PDZRN3: variants seen among roughly 807,000 people sequenced by gnomAD.
PDZRN3 encodes the protein E3 ubiquitin-protein ligase PDZRN3.
PDZRN3 carries 38 observed loss-of-function variants against 85.7 expected under a neutral mutation model. That is an observed-to-expected ratio of 0.44 (90% CI 0.34 to 0.58). The LOEUF (loss-of-function observed/expected upper bound fraction) is 0.58, where lower values mean the gene tolerates loss of function less well. Ranked by LOEUF, PDZRN3 falls within the 20% of genes least tolerant of loss-of-function variation. The probability of loss-of-function intolerance (pLI) is 0.01; values close to 1 mark genes in which losing one functional copy is unlikely to be tolerated. For synonymous variants in PDZRN3, 759 were observed against 638.0 expected (o/e 1.19, Z -2.86); for missense variants, 1,629 against 1,506.4 (o/e 1.08, Z -1.35).
chr3:73,437,147 AATTT>A (rs1702547083), intron 3 of PDZRN3, among the ~76,000 whole-genome samples: 1 of 152,158 alleles, frequency 6.6e-6, no homozygotes, highest in African/African-American at 2.4e-5. Context: ...AGAAATTTTA[AATTT>A]ATTCATTAAT....
rs1171966586 is a variant in PDZRN3, at chr3:73,383,861, A to G, written c.2705T>C (p.Leu902Pro). ...AVEYAQSQMS[L>P]VSMCKDLSSP... ...GCTCAGGTCCTTGCACATGCTCACC[A>G]GGCTCATCTGGCTTTGCGCGTACTC... is the stretch of plus-strand genomic sequence containing the variant. The change falls in exon 10 of 10, where the codon CTG becomes CCG. Residue 902 changes from leucine (L) to proline (P), a missense_variant. Transcript: ENST00000263666. 6 of 1,613,692 alleles carry G rather than the reference A, an allele frequency of 3.7e-6. No homozygotes were observed. Among genetic ancestry groups the G allele is most frequent in the South Asian group, 3.3e-5 (3 of 91,078 alleles).
intron 3 of PDZRN3, among the ~76,000 whole-genome samples, chr3:73,502,805 T>C (rs1175627159): frequency 2.0e-5 from 3 of 152,226 alleles, no homozygotes; most frequent in African/African-American, 7.2e-5. Context: ...TCCTAGAGCC[T>C]GGTATCATTG....
At position 73,573,811 on chromosome 3, in the gene PDZRN3, C is replaced by CTATACATATACA. The variant is rs60904712; in HGVS notation, c.918+28531_918+28542dup. 2.4e-3 allele frequency among the ~76,000 whole-genome samples: 356 copies of CTATACATATACA among 149,240 alleles called. 3 individuals carry two copies. Among genetic ancestry groups the CTATACATATACA allele is most frequent in the East Asian group, 0.013 (65 of 5,074 alleles). ...CATATACATATACATACACATACAC[C>CTATACATATACA]TATACATATACATATACATATACAT... On this transcript the variant is annotated intron_variant, in intron 3 of 9. Coordinates refer to ENST00000263666, the MANE Select transcript of PDZRN3 (RefSeq NM_015009.3).
intron 1 of PDZRN3, among the ~76,000 whole-genome samples, chr3:73,614,351 A>T (rs1702730252): frequency 6.6e-6 from 1 of 152,196 alleles, no homozygotes; most frequent in African/African-American, 2.4e-5. Context: ...CAAACCATCC[A>T]GCCTCAAAAG....
At chr3:73,587,909 G>A (rs1364934015) in intron 3 of PDZRN3, among the ~76,000 whole-genome samples, 1 of 152,140 alleles carries the variant, frequency 6.6e-6, no homozygotes, top group Non-Finnish European at 1.5e-5. Flanking sequence ...AGAGCACAGA[G>A]TCAATTTGAG....
At chr3:73,510,095 T>C (rs1704136695) in intron 3 of PDZRN3, among the ~76,000 whole-genome samples, 1 of 152,194 alleles carries the variant, frequency 6.6e-6, no homozygotes. Flanking sequence ...GCAAGTATTT[T>C]GATAATCAGG....
At chr3:73,399,552 G>A (rs1229109700) in intron 5 of PDZRN3, among the ~76,000 whole-genome samples, 1 of 152,122 alleles carries the variant, frequency 6.6e-6, no homozygotes, top group African/African-American at 2.4e-5. Flanking sequence ...ACAAATTAAG[G>A]AACAAGTGTC....
At chr3:73,496,373 G>A (rs565556416) in intron 3 of PDZRN3, among the ~76,000 whole-genome samples, 109 of 794 alleles carry the variant, frequency 0.14, 1 homozygote, top group African/African-American at 0.28. Flanking sequence ...AAATATATAC[G>A]AACATAGAGA....
intron 1 of PDZRN3, among the ~76,000 whole-genome samples, chr3:73,612,873 A>G (rs1230108141): frequency 6.6e-6 from 1 of 152,216 alleles, no homozygotes; most frequent in Non-Finnish European, 1.5e-5. Flanking sequence ...ACAGATACCC[A>G]AAGACTGCCT....
chr3:73,571,275 T>C (rs1702042724), intron 3 of PDZRN3, among the ~76,000 whole-genome samples: 1 of 152,190 alleles, frequency 6.6e-6, no homozygotes, highest in Non-Finnish European at 1.5e-5. Context: ...CCATATCCAG[T>C]GGTGAGAACA....
intron 5 of PDZRN3, among the ~76,000 whole-genome samples, chr3:73,393,401 G>A (rs1420878651): frequency 6.6e-6 from 1 of 152,140 alleles, no homozygotes; most frequent in East Asian, 1.9e-4. Flanking sequence ...GACGAGGTGA[G>A]CACAGAAATT....
chr3:73,598,346 C>T (rs1020568418), intron 3 of PDZRN3, among the ~76,000 whole-genome samples: 3 of 152,174 alleles, frequency 2.0e-5, no homozygotes, highest in Non-Finnish European at 2.9e-5. Flanking sequence ...TTTACAGTTT[C>T]GAATGAATAT....
intron 3 of PDZRN3, among the ~76,000 whole-genome samples, chr3:73,454,005 A>G (rs1383637294): frequency 1.3e-5 from 2 of 152,204 alleles, no homozygotes; most frequent in African/African-American, 2.4e-5. Flanking sequence ...TATAAATTCC[A>G]AATATTTTCA....
intron 3 of PDZRN3, among the ~76,000 whole-genome samples, chr3:73,550,765 AG>A (rs1305683970): frequency 6.6e-6 from 1 of 152,248 alleles, no homozygotes; most frequent in Non-Finnish European, 1.5e-5. Context: ...GCCAATGATC[AG>A]GGTAAGGAAA....
At position 73,384,858 on chromosome 3, in the gene PDZRN3, C is replaced by T. The variant is rs758780823; in HGVS notation, c.1708G>A (p.Gly570Ser). Residue 570 changes from glycine (G) to serine (S), a missense_variant, in exon 10 of 10, where the codon GGT becomes AGT. Gly to Ser is a moderately conservative substitution (Grantham distance 56). Coordinates refer to ENST00000263666, the MANE Select transcript of PDZRN3 (RefSeq NM_015009.3). ...ILSNQHEKDSGVGRTDESTRN... is the reference protein window; with the variant it reads ...ILSNQHEKDSSVGRTDESTRN... ...GTGCTCTCGTCGGTCCGCCCCACAC[C>T]GCTGTCCTTCTCGTGCTGGTTGGAC... 2.0e-5 allele frequency: 32 copies of T among 1,614,044 alleles called. No homozygotes were observed. The highest frequency in any genetic ancestry group is 2.7e-5 in the African/African-American group (2 of 74,952).
chr3:73,448,473 T>C (rs752443899), intron 3 of PDZRN3, among the ~76,000 whole-genome samples: 2 of 152,196 alleles, frequency 1.3e-5, no homozygotes, highest in Non-Finnish European at 2.9e-5. Context: ...AATTAAACTT[T>C]AGATGTGCCA....
At chr3:73,422,490 T>C (rs1227525976) in intron 3 of PDZRN3, among the ~76,000 whole-genome samples, 1 of 152,230 alleles carries the variant, frequency 6.6e-6, no homozygotes, top group Non-Finnish European at 1.5e-5. Context: ...TTTGTTCTTA[T>C]GAGGACAGGA....
chr3:73,534,777 T>C (rs1704737688), intron 3 of PDZRN3, among the ~76,000 whole-genome samples: 2 of 152,240 alleles, frequency 1.3e-5, no homozygotes, highest in South Asian at 4.1e-4. Context: ...AAGATACCTT[T>C]ACGGAACTGA....
At chr3:73,525,176 G>A (rs928884461) in intron 3 of PDZRN3, among the ~76,000 whole-genome samples, 8 of 152,020 alleles carry the variant, frequency 5.3e-5, no homozygotes, top group African/African-American at 1.9e-4. Flanking sequence ...TAAAAGCAGA[G>A]CAAATAAATT....
Sources: allele counts gnomAD v4.1 joint callset (sites outside exome capture counted in the v4.1 genomes callset), GRCh38; gene constraint gnomAD v4.1.1; transcripts MANE v1.5; gene names NCBI Gene and HGNC (gene_info 2026-07-23, HGNC 2026-07-21).